VPS13D: variants seen among roughly 807,000 people sequenced by gnomAD.
VPS13D encodes the protein intermembrane lipid transfer protein VPS13D.
Under a neutral mutation model 461.9 loss-of-function variants are expected in VPS13D, and 187 were observed. That is an observed-to-expected ratio of 0.40 (90% CI 0.36 to 0.46). VPS13D has a LOEUF of 0.46. Among genes scored for constraint, VPS13D ranks in the 20% least tolerant of loss-of-function variants. The pLI is 0.60. For missense variants in VPS13D, 4,711 were observed against 5,364.9 expected, an observed-to-expected ratio of 0.88 and a Z score of 3.81; for synonymous variants, 1,951 against 1,986.3, an observed-to-expected ratio of 0.98 and a Z score of 0.47.
At chr1:12,361,303 T>G (rs2101612132) in intron 50 of VPS13D, among the ~76,000 whole-genome samples, 1 of 152,082 alleles carries the variant, frequency 6.6e-6, no homozygotes, top group Admixed American at 6.5e-5. Context: ...ACGTTGAATG[T>G]CATTGCTGTA....
chr1:12,420,461 G>A (rs1644848876), intron 65 of VPS13D, among the ~76,000 whole-genome samples: 1 of 152,230 alleles, frequency 6.6e-6, no homozygotes, highest in African/African-American at 2.4e-5. Context: ...TTGAGCCCCT[G>A]CCAGTGCACT....
chr1:12,254,513 CTTTTTTTTTTTTT>C (rs1017635589), intron 7 of VPS13D, among the ~76,000 whole-genome samples: 19 of 78,240 alleles, frequency 2.4e-4, no homozygotes, highest in Admixed American at 4.2e-4. Flanking sequence ...AAATCTCAAT[CTTTTTTTTTTTTT>C]TTTTTTTTTT....
intron 67 of VPS13D, among the ~76,000 whole-genome samples, chr1:12,485,437 G>A (rs779260473): frequency 2.6e-5 from 4 of 152,198 alleles, no homozygotes; most frequent in Non-Finnish European, 4.4e-5. Flanking sequence ...TGGCCCTGCC[G>A]TGTCATATGG....
chr1:12,254,472 C>G (rs1001988671), intron 7 of VPS13D, among the ~76,000 whole-genome samples: 5 of 145,412 alleles, frequency 3.4e-5, no homozygotes, highest in Non-Finnish European at 7.5e-5. Flanking sequence ...CATAAATCAT[C>G]AGATATATTA....
At chr1:12,388,294 G>T (rs921676055) in intron 60 of VPS13D, among the ~76,000 whole-genome samples, 1 of 152,138 alleles carries the variant, frequency 6.6e-6, no homozygotes, top group Non-Finnish European at 1.5e-5. Context: ...ATGAAATTAG[G>T]CCAGGTGAGG....
At chr1:12,499,603 A>G in intron 68 of VPS13D, 1 of 985,428 alleles carries the variant, frequency 1.0e-6, no homozygotes, top group Non-Finnish European at 1.2e-6. Context: ...CTTTCATGAA[A>G]CTCATGAAAT....
At chr1:12,437,810 T>C (rs2100329302) in intron 65 of VPS13D, among the ~76,000 whole-genome samples, 1 of 152,334 alleles carries the variant, frequency 6.6e-6, no homozygotes, top group South Asian at 2.1e-4. Context: ...CCTGTGGACT[T>C]CTTGGAACCT....
Position 12,401,689 on chromosome 1 carries a change from G to C in VPS13D, c.11866G>C (p.Asp3956His). The C allele has an allele frequency of 6.2e-7, 1 of 1,613,060 alleles. No homozygotes were observed. The highest frequency in any genetic ancestry group is 8.5e-7 in the Non-Finnish European group (1 of 1,179,140). Residue 3956 changes from aspartate (D) to histidine (H), a missense_variant, in exon 62 of 70, where the codon GAT becomes CAT. Around this residue, in one of 3 missense-constraint regions of VPS13D, gnomAD observed 4,411 missense variants for 4,937.8 expected, o/e 0.89. Coordinates refer to ENST00000620676, the MANE Select transcript of VPS13D (RefSeq NM_015378.4). The part of the protein sequence containing the change: ...LLKLLSFFGY[D>H]QAESEVEKYD... ...CAAGCTGCTAAGTTTCTTTGGCTAC[G>C]ATCAAGCAGAATCAGGTAATGTTGA... is the stretch of plus-strand genomic sequence containing the variant.
intron 12 of VPS13D, 150 bp downstream of exon 12, chr1:12,261,299 A>G (rs1641100828): frequency 1.1e-6 from 1 of 915,386 alleles, no homozygotes; most frequent in South Asian, 1.7e-5. Flanking sequence ...TTTGGGAGAT[A>G]CTCCATTTGT....
chr1:12,293,535 C>T lies in VPS13D; in HGVS notation c.5864C>T (p.Pro1955Leu), dbSNP rs1226408934. 1.2e-6 allele frequency: 2 copies of T among 1,607,830 alleles called. No individual in the cohort carries two copies. The highest frequency in any genetic ancestry group is 2.7e-5 in the African/African-American group (2 of 74,650). The change falls in exon 24 of 70, where the codon CCT becomes CTT. Residue 1955 changes from proline (P) to leucine (L), a missense_variant. Physicochemically the swap from Pro to Leu is moderately conservative, Grantham distance 98. Around this residue, in one of 3 missense-constraint regions of VPS13D, gnomAD observed 4,411 missense variants for 4,937.8 expected, o/e 0.89. Coordinates refer to ENST00000620676, the MANE Select transcript of VPS13D (RefSeq NM_015378.4). ...ATCCTAATTTTTAGATACGGACGGC[C>T]TGACCCTCTGCTCCGGAGAGAACAC... ...LIFQTFKYGR[P>L]DPLLRREHDI...
chr1:12,339,783 A>G (rs1569948406), intron 40 of VPS13D, among the ~76,000 whole-genome samples: 1 of 152,204 alleles, frequency 6.6e-6, no homozygotes, highest in Non-Finnish European at 1.5e-5. Flanking sequence ...TCATCAATGC[A>G]AGAAGCTTGG....
At chr1:12,270,236 C>T (rs181728086) in intron 16 of VPS13D, among the ~76,000 whole-genome samples, 327 of 152,128 alleles carry the variant, frequency 2.1e-3, no homozygotes, top group African/African-American at 6.5e-3. Flanking sequence ...GCAGGCGGAT[C>T]ACTAGAGGTC....
intron 54 of VPS13D, among the ~76,000 whole-genome samples, chr1:12,373,043 A>G (rs1324623181): frequency 7.1e-6 from 1 of 140,864 alleles, no homozygotes; most frequent in African/African-American, 2.7e-5. Context: ...GATGCTGATC[A>G]TCTGCCTGGC....
At chr1:12,289,562 G>C (rs1456678110) in intron 22 of VPS13D, among the ~76,000 whole-genome samples, 3 of 149,226 alleles carry the variant, frequency 2.0e-5, no homozygotes, top group African/African-American at 7.6e-5. Context: ...GAGGAGATTG[G>C]CTTTTTTTTT....
At chr1:12,301,892 C>G (rs1488621302) in intron 25 of VPS13D, among the ~76,000 whole-genome samples, 1 of 152,164 alleles carries the variant, frequency 6.6e-6, no homozygotes, top group East Asian at 1.9e-4. Context: ...GGGACTAAGA[C>G]CAAATACAGT....
chr1:12,230,147 G>T (rs1639911965), intron 1 of VPS13D, 27 bp downstream of exon 1: 1 of 152,004 alleles, frequency 6.6e-6, no homozygotes, highest in Non-Finnish European at 1.5e-5. Flanking sequence ...TCCGTGCCGG[G>T]CGGGGCCAGG....
rs777102568 is a variant in VPS13D, at chr1:12,345,496, C to T, written c.9008C>T (p.Ser3003Leu). 1 of 1,613,068 alleles carries T rather than the reference C, an allele frequency of 6.2e-7. No individual in the cohort carries two copies. The highest frequency in any genetic ancestry group is 1.1e-5 in the South Asian group (1 of 91,000). ...FFRYAAPDKN[S>L]SSSTIGSPSS... Reference sequence around the variant, plus strand: ...CGATATGCAGCACCAGATAAAAATTCATCTTCCTCTACGGTGTGTGACATT... The same window carrying T: ...CGATATGCAGCACCAGATAAAAATTTATCTTCCTCTACGGTGTGTGACATT... The change falls in exon 43 of 70, where the codon TCA becomes TTA. Residue 3003 changes from serine (S) to leucine (L), a missense_variant. Ser to Leu is a moderately radical substitution (Grantham distance 145). Coordinates refer to ENST00000620676, the MANE Select transcript of VPS13D (RefSeq NM_015378.4).
intron 40 of VPS13D, among the ~76,000 whole-genome samples, chr1:12,340,594 T>C (rs1017614582): frequency 6.6e-6 from 1 of 152,254 alleles, no homozygotes; most frequent in African/African-American, 2.4e-5. Flanking sequence ...TCGATTTTGT[T>C]GACAGAAGAT....
At chr1:12,455,903 TA>T in intron 65 of VPS13D, 94 bp from the exon 66 acceptor site, 1 of 1,424,860 alleles carries the variant, frequency 7.0e-7, no homozygotes, top group Non-Finnish European at 9.3e-7. Context: ...TGGGCTTATC[TA>T]ATTGTATTTA....
Sources: allele counts gnomAD v4.1 joint callset (sites outside exome capture counted in the v4.1 genomes callset), GRCh38; gene constraint gnomAD v4.1.1; regional missense constraint gnomAD v4.1.1; transcripts MANE v1.5; gene names NCBI Gene and HGNC (gene_info 2026-07-23, HGNC 2026-07-21).